Variants in SOX5 observed in about 807,000 individuals in gnomAD.
SOX5 encodes transcription factor SOX-5.
SOX5 carries 9 observed loss-of-function variants against 92.0 expected under a neutral mutation model. The ratio of observed to expected loss-of-function variants is 0.10; its 90% CI spans 0.06 to 0.17. The LOEUF (loss-of-function observed/expected upper bound fraction) is 0.17. SOX5 is among the 10% of genes least tolerant of loss of function. The probability of loss-of-function intolerance (pLI) is 1.00; values close to 1 mark genes in which losing one functional copy is unlikely to be tolerated. For missense variants in SOX5, 642 were observed against 944.5 expected, an observed-to-expected ratio of 0.68 and a Z score of 4.20; for synonymous variants, 344 against 336.3, an observed-to-expected ratio of 1.02 and a Z score of -0.25.
chr12:23,876,424 G>A (rs1383650541), intron 2 of SOX5, among the ~76,000 whole-genome samples: 3 of 152,194 alleles, frequency 2.0e-5, no homozygotes, highest in Admixed American at 6.5e-5. Flanking sequence ...AAACCACAAT[G>A]AGATACCACC....
In SOX5 at chr12:24,029,054, A is replaced by G. The variant is rs546201786; in HGVS notation, c.-1-133030T>C. 2.0e-5 allele frequency among the ~76,000 whole-genome samples: 3 copies of G among 152,122 alleles called. No individual in the cohort carries two copies. The East Asian group carries it at 5.8e-4, about 29-fold the overall frequency. On this transcript the variant is annotated intron_variant, in intron 4 of 4. Coordinates refer to the SOX5 transcript ENST00000446891. ...ACCATATTTTATTTTTCTGATTAAT[A>G]ATAAGGACTAAATATACTCATATAC...
At chr12:23,591,140 A>AATAG (rs542177689) in intron 9 of SOX5, among the ~76,000 whole-genome samples, 56 of 152,152 alleles carry the variant, frequency 3.7e-4, no homozygotes, top group African/African-American at 1.3e-3. Context: ...TCAAAAGTTC[A>AATAG]CCTTAACAAT....
intron 1 of SOX5, among the ~76,000 whole-genome samples, chr12:24,418,833 G>C (rs1407837204): frequency 6.6e-6 from 1 of 152,042 alleles, no homozygotes; most frequent in African/African-American, 2.4e-5. Flanking sequence ...ATTTGTCTTA[G>C]AGCTCCCAGA....
At chr12:23,617,031 A>G (rs946236782) in intron 8 of SOX5, among the ~76,000 whole-genome samples, 1 of 151,126 alleles carries the variant, frequency 6.6e-6, no homozygotes, top group African/African-American at 2.4e-5. Flanking sequence ...ATGCTGAGAC[A>G]GGGGGATTGC....
At chr12:23,872,599 C>T (rs756059168) in intron 2 of SOX5, among the ~76,000 whole-genome samples, 2 of 152,122 alleles carry the variant, frequency 1.3e-5, no homozygotes, top group Non-Finnish European at 2.9e-5. Context: ...AATTAATTCA[C>T]ATTTAAATAT....
At chr12:24,053,956 T>C (rs1957850020) in intron 4 of SOX5, among the ~76,000 whole-genome samples, 2 of 152,168 alleles carry the variant, frequency 1.3e-5, no homozygotes, top group African/African-American at 4.8e-5. Context: ...CTTAGAGCAG[T>C]GAAGTAATGA....
intron 3 of SOX5, among the ~76,000 whole-genome samples, chr12:23,771,187 C>CAA (rs376988688): frequency 0.13 from 14,294 of 108,230 alleles, 781 homozygotes; most frequent in Non-Finnish European, 0.16. Flanking sequence ...AAAAATGGAG[C>CAA]AAAAAAAAAA....
At chr12:23,569,331 C>T (rs931056224) in intron 10 of SOX5, among the ~76,000 whole-genome samples, 1 of 151,840 alleles carries the variant, frequency 6.6e-6, no homozygotes, top group Non-Finnish European at 1.5e-5. Flanking sequence ...CTGTAATAGC[C>T]CATGAAAAAA....
At chr12:24,457,652 A>G (rs2137430688) in intron 1 of SOX5, among the ~76,000 whole-genome samples, 1 of 152,352 alleles carries the variant, frequency 6.6e-6, no homozygotes, top group East Asian at 1.9e-4. Flanking sequence ...TTCTATAAAT[A>G]AAAGAATTTC....
At chr12:23,770,081 A>T (rs2094880332) in intron 3 of SOX5, among the ~76,000 whole-genome samples, 1 of 124,462 alleles carries the variant, frequency 8.0e-6, no homozygotes, top group Non-Finnish European at 1.6e-5. Context: ...CACAATAACC[A>T]GTCACTTTTC....
At chr12:24,106,513 A>G (rs569351948) in intron 4 of SOX5, among the ~76,000 whole-genome samples, 8 of 152,166 alleles carry the variant, frequency 5.3e-5, no homozygotes, top group African/African-American at 1.4e-4. Flanking sequence ...AAGAGAAGCC[A>G]GGCGTGGTGA....
intron 1 of SOX5, among the ~76,000 whole-genome samples, chr12:24,428,729 A>AAAAAAAAAAAAAG (rs1967037001): frequency 3.0e-5 from 1 of 33,696 alleles, no homozygotes; most frequent in Non-Finnish European, 6.2e-5. Flanking sequence ...TGTTTCTCAA[A>AAAAAAAAAAAAAG]AAAAAAAAAA....
intron 1 of SOX5, among the ~76,000 whole-genome samples, chr12:24,530,884 C>T (rs961741946): frequency 6.6e-6 from 1 of 152,052 alleles, no homozygotes; most frequent in African/African-American, 2.4e-5. Flanking sequence ...GGGGATGTCA[C>T]AATGAGGAAT....
intron 3 of SOX5, among the ~76,000 whole-genome samples, chr12:24,219,079 G>A (rs911286287): frequency 2.0e-5 from 3 of 152,018 alleles, no homozygotes; most frequent in South Asian, 2.1e-4. Flanking sequence ...ATTTGAGAGT[G>A]ACTGTTATAA....
At chr12:24,450,291 A>C (rs1942080314) in intron 1 of SOX5, among the ~76,000 whole-genome samples, 1 of 152,000 alleles carries the variant, frequency 6.6e-6, no homozygotes, top group Non-Finnish European at 1.5e-5. Context: ...TGTAACTCAA[A>C]CTTTGTTGTT....
chr12:24,020,208 C>G (rs1954122386), intron 4 of SOX5, among the ~76,000 whole-genome samples: 1 of 152,154 alleles, frequency 6.6e-6, no homozygotes, highest in Non-Finnish European at 1.5e-5. Context: ...AGTTCTTTGA[C>G]TTGGGCCCCA....
chr12:23,763,695 A>G (rs2094627005), intron 3 of SOX5, among the ~76,000 whole-genome samples: 1 of 151,910 alleles, frequency 6.6e-6, no homozygotes, highest in African/African-American at 2.4e-5. Flanking sequence ...CTAACTTCCC[A>G]AAGGTTCTAT....
chr12:24,288,802 C>A (rs1030288410), intron 2 of SOX5, among the ~76,000 whole-genome samples: 1 of 151,766 alleles, frequency 6.6e-6, no homozygotes, highest in African/African-American at 2.4e-5. Context: ...CTCCCCACCA[C>A]CTGCACACCA....
intron 3 of SOX5, among the ~76,000 whole-genome samples, chr12:23,831,536 G>T (rs184894088): frequency 6.6e-6 from 1 of 152,066 alleles, no homozygotes; most frequent in Non-Finnish European, 1.5e-5. Context: ...TGATCCTGAG[G>T]GTGAAGGCTT....
Sources: allele counts gnomAD v4.1 joint callset (sites outside exome capture counted in the v4.1 genomes callset), GRCh38; gene constraint gnomAD v4.1.1; transcripts MANE v1.5; gene names NCBI Gene and HGNC (gene_info 2026-07-23, HGNC 2026-07-21).